HBP1: variants seen among roughly 807,000 people sequenced by gnomAD.
HBP1 encodes HMG-box transcription factor 1.
HBP1 carries 20 observed loss-of-function variants against 62.6 expected under a neutral mutation model. The ratio of observed to expected loss-of-function variants is 0.32; its 90% CI spans 0.22 to 0.46. The LOEUF is 0.46. Ranked by LOEUF, HBP1 falls within the 20% of genes least tolerant of loss-of-function variation. HBP1 has a pLI of 1.00. For missense variants in HBP1, 480 were observed against 611.8 expected, an observed-to-expected ratio of 0.78 and a Z score of 2.27; for synonymous variants, 232 against 206.2, an observed-to-expected ratio of 1.12 and a Z score of -1.07.
chr7:107,173,018 T>C (rs1562883544), intron 1 of HBP1, among the ~76,000 whole-genome samples: 2 of 152,260 alleles, frequency 1.3e-5, no homozygotes, highest in African/African-American at 4.8e-5. Flanking sequence ...TGTTGTTGTT[T>C]TGTCTTTTCT....
At chr7:107,171,046 A>AAT (rs374693805) in intron 1 of HBP1, among the ~76,000 whole-genome samples, 3,251 of 60,486 alleles carry the variant, frequency 0.054, 326 homozygotes, top group Non-Finnish European at 0.082. Flanking sequence ...TACATGTATA[A>AAT]ATATATATAT....
intron 1 of HBP1, among the ~76,000 whole-genome samples, chr7:107,178,619 G>A (rs1488317812): frequency 6.6e-6 from 1 of 152,056 alleles, no homozygotes; most frequent in African/African-American, 2.4e-5. Context: ...CAGAATGACA[G>A]GTATCTTTTA....
chr7:107,191,453 G>C (rs1797645011), intron 8 of HBP1, among the ~76,000 whole-genome samples: 1 of 152,180 alleles, frequency 6.6e-6, no homozygotes, highest in Non-Finnish European at 1.5e-5. Context: ...GCTTTATCTT[G>C]TAAAGGTGAG....
intron 1 of HBP1, among the ~76,000 whole-genome samples, chr7:107,173,807 C>T (rs1041738096): frequency 6.6e-6 from 1 of 152,160 alleles, no homozygotes; most frequent in African/African-American, 2.4e-5. Flanking sequence ...AATCACTGAT[C>T]TCGTGAAGAG....
intron 1 of HBP1, among the ~76,000 whole-genome samples, chr7:107,172,647 T>G (rs1410235438): frequency 6.6e-6 from 1 of 152,210 alleles, no homozygotes; most frequent in African/African-American, 2.4e-5. Flanking sequence ...AGCATGAAAT[T>G]ACTAAGAACT....
At chr7:107,176,084 G>A (rs1052873395) in intron 1 of HBP1, among the ~76,000 whole-genome samples, 1 of 150,006 alleles carries the variant, frequency 6.7e-6, no homozygotes, top group African/African-American at 2.5e-5. Flanking sequence ...GTAGTGCAGT[G>A]GTGCGATCTC....
chr7:107,180,156 A>G (rs1562888522), intron 2 of HBP1, 94 bp downstream of exon 2: 1 of 646,220 alleles, frequency 1.5e-6, no homozygotes, highest in Non-Finnish European at 2.6e-6. Flanking sequence ...ACTGGCTAGA[A>G]AGGGATATGA....
In HBP1 at chr7:107,186,358, T is replaced by C; in HGVS notation, c.541-3T>C. 3 of 1,538,470 alleles carry C rather than the reference T, an allele frequency of 1.9e-6. No individual in the cohort carries two copies. The highest frequency in any genetic ancestry group is 2.7e-6 in the Non-Finnish European group (3 of 1,123,674). ...AAAAAGTTGATAATATTTTTCTCCA[T>C]AGGCAAATAGTGAGTCAGAATCTGG... On this transcript the variant is annotated splice_polypyrimidine_tract_variant and splice_region_variant and intron_variant, in intron 4 of 10. Coordinates refer to ENST00000222574, the MANE Select transcript of HBP1 (RefSeq NM_012257.4).
chr7:107,186,560 A>T lies in HBP1; in HGVS notation c.653-9A>T, dbSNP rs745874504. 1.2e-6 allele frequency: 2 copies of T among 1,602,058 alleles called. No individual in the cohort carries two copies. ...CGTGTCTAATACGTGTTTTCTACCT[A>T]AACCTTAGGCACACGACTGTGCTTT... On this transcript the variant is annotated splice_polypyrimidine_tract_variant and intron_variant, in intron 5 of 10. Transcript: ENST00000222574.
In HBP1 at chr7:107,189,372, T is replaced by C. The variant is rs913111468; in HGVS notation, c.846T>C (p.Phe282=). ...GCGAGTCTGTACTGAAGTTGACTTT[T>C]GATCCTGGTACAGTAGAAGATGGTT... ...SFGESVLKLT[F]DPGTVEDGLL... The change falls in exon 7 of 11, where the codon TTT becomes TTC. Residue 282 remains phenylalanine, a synonymous_variant. Transcript: ENST00000222574. The C allele has an allele frequency of 4.3e-6, 7 of 1,612,552 alleles. No homozygotes were observed. In the African/African-American group the frequency reaches 6.7e-5, roughly 15 times the overall value.
intron 8 of HBP1, chr7:107,193,294 A>G (rs911413180): frequency 6.6e-6 from 1 of 152,192 alleles, no homozygotes. Flanking sequence ...TTATATCCTC[A>G]TTTTACAGAG....
chr7:107,173,874 A>G (rs148544775), intron 1 of HBP1, among the ~76,000 whole-genome samples: 1 of 152,348 alleles, frequency 6.6e-6, no homozygotes, highest in East Asian at 1.9e-4. Flanking sequence ...TCTGATACCA[A>G]AGCAGTATAC....
At chr7:107,181,651 G>A (rs147260114) in intron 2 of HBP1, among the ~76,000 whole-genome samples, 12 of 150,952 alleles carry the variant, frequency 7.9e-5, no homozygotes, top group East Asian at 3.9e-4. Flanking sequence ...TATGTGTTTC[G>A]TGGAGAGTTT....
intron 1 of HBP1, chr7:107,170,195 G>C (rs1796487561): frequency 1.4e-5 from 13 of 935,978 alleles, no homozygotes; most frequent in African/African-American, 5.3e-5. Flanking sequence ...CAGGACGAGA[G>C]GAGGCTTAGA....
chr7:107,198,812 T>C (rs57774882), intron 9 of HBP1, among the ~76,000 whole-genome samples: 3,051 of 152,306 alleles, frequency 0.02, 107 homozygotes, highest in African/African-American at 0.068. Context: ...TCTTTAGATG[T>C]GTATATTTTA....
At chr7:107,183,388 A>G (rs1797202358) in intron 3 of HBP1, among the ~76,000 whole-genome samples, 1 of 152,234 alleles carries the variant, frequency 6.6e-6, no homozygotes, top group African/African-American at 2.4e-5. Context: ...CTTATTAGGT[A>G]TGAAATCTCA....
chr7:107,189,698 A>G (rs968824765), intron 7 of HBP1, among the ~76,000 whole-genome samples: 2 of 152,196 alleles, frequency 1.3e-5, no homozygotes, highest in Non-Finnish European at 2.9e-5. Context: ...TAAGCTTTCT[A>G]TTATCTTGGT....
In HBP1 at chr7:107,195,905, C is replaced by G. The variant is rs1797877087; in HGVS notation, c.1139C>G (p.Ser380Cys). The change falls in exon 9 of 11, where the codon TCT becomes TGT. Residue 380 changes from serine to cysteine, a missense_variant. By Grantham distance (112) the Ser-to-Cys change is moderately radical (BLOSUM62 -1). This residue lies in a region of HBP1 where 58 missense variants were observed against 128.5 expected (regional missense o/e 0.45). Coordinates refer to ENST00000222574, the MANE Select transcript of HBP1 (RefSeq NM_012257.4). ...AGTATGGCTCGCCAGCGTCGTGCAT[C>G]TTTGTCTTGTGGAGGACCTGGTGGT... ...LSSMARQRRA[S>C]LSCGGPGGQD... is the part of the protein sequence containing the mutation. 6.2e-7 allele frequency: 1 copy of G among 1,613,530 alleles called. No individual in the cohort carries two copies.
At chr7:107,193,176 G>A (rs1562897912) in intron 8 of HBP1, 2 of 152,146 alleles carry the variant, frequency 1.3e-5, no homozygotes, top group Non-Finnish European at 2.9e-5. Flanking sequence ...AGTCAGTTTT[G>A]ACTCTTTGAA....
Sources: allele counts gnomAD v4.1 joint callset (sites outside exome capture counted in the v4.1 genomes callset), GRCh38; gene constraint gnomAD v4.1.1; regional missense constraint gnomAD v4.1.1; transcripts MANE v1.5; gene names NCBI Gene and HGNC (gene_info 2026-07-23, HGNC 2026-07-21).